The following DLGAP1 variants were observed in gnomAD, a reference collection of about 807,000 sequenced individuals.
DLGAP1 encodes the protein DLG associated protein 1, also known as disks large-associated protein 1.
A neutral mutation model predicts 90.8 loss-of-function variants in DLGAP1; 11 were observed. The observed-to-expected ratio is 0.12, with a 90% CI of 0.08 to 0.20. DLGAP1 has a LOEUF of 0.20. Ranked by LOEUF, DLGAP1 falls within the 10% of genes least tolerant of loss-of-function variation. The pLI is 1.00. For missense variants in DLGAP1, 1,050 were observed against 1,333.8 expected (o/e 0.79, Z 3.31); for synonymous variants, 558 against 540.7 (o/e 1.03, Z -0.44).
intron 1 of DLGAP1, among the ~76,000 whole-genome samples, chr18:4,391,329 C>T (rs1200618597): frequency 6.6e-6 from 1 of 152,172 alleles, no homozygotes; most frequent in African/African-American, 2.4e-5. Flanking sequence ...AGAAAGTTTG[C>T]TTTCTTCATC....
rs112616952 is a variant in DLGAP1, at chr18:3,821,155, T to C, written c.958-6882A>G. Among the ~76,000 whole-genome samples, 208 of 151,868 alleles carry C rather than the reference T, an allele frequency of 1.4e-3. 2 individuals are homozygous for C. The highest frequency in any genetic ancestry group is 4.9e-3 in the African/African-American group (203 of 41,444). On this transcript the variant is annotated intron_variant, in intron 4 of 12. Coordinates refer to ENST00000315677, the MANE Select transcript of DLGAP1 (RefSeq NM_004746.4). ...TTTTTAAATGTAGCTGGTGTGGTGG[T>C]GGTATGTGCCTATAGTCCTAGCTAT...
At chr18:4,127,252 C>G (rs746319082) in intron 2 of DLGAP1, among the ~76,000 whole-genome samples, 50 of 152,106 alleles carry the variant, frequency 3.3e-4, no homozygotes, top group Admixed American at 5.2e-4. Context: ...GTGGTACCGG[C>G]TGGCTGAGAA....
In DLGAP1 at chr18:4,292,957, A is replaced by G. The variant is rs73378929; in HGVS notation, c.-266-141670T>C. The stretch of plus-strand genomic sequence containing the variant: ...AAGATCCATTATAGTTCTCTTGAGG[A>G]TTTCTTTATAGGTGATAACTTTGAA... On this transcript the variant is annotated intron_variant, in intron 1 of 12. Coordinates refer to ENST00000315677, the MANE Select transcript of DLGAP1 (RefSeq NM_004746.4). 5.0e-3 allele frequency among the ~76,000 whole-genome samples: 754 copies of G among 152,272 alleles called. 6 individuals carry two copies. Among genetic ancestry groups the G allele is most frequent in the African/African-American group, 0.017 (726 of 41,558 alleles).
In DLGAP1 at chr18:3,534,248, C is replaced by G. The variant is rs1357866813; in HGVS notation, c.2425G>C (p.Gly809Arg). 1 of 1,614,232 alleles carries G rather than the reference C, an allele frequency of 6.2e-7. No individual in the cohort carries two copies. ...TCCCGCTCCATCTGTTGACACCACC[C>G]CTCCATGCGGTCTCGCTCTGCCTGG... Reference protein sequence around the residue: ...LLQAERDRMEGWCQQMEREER... With the variant: ...LLQAERDRMERWCQQMEREER... Residue 809 changes from glycine (G) to arginine (R), a missense_variant, in exon 10 of 13, where the codon GGG becomes CGG. By Grantham distance (125) the Gly-to-Arg change is moderately radical (BLOSUM62 -2). This residue lies in a region of DLGAP1 where 565 missense variants were observed against 879.7 expected (regional missense o/e 0.64). Coordinates refer to ENST00000315677, the MANE Select transcript of DLGAP1 (RefSeq NM_004746.4).
At chr18:4,166,695 T>C (rs999600053) in intron 1 of DLGAP1, among the ~76,000 whole-genome samples, 1 of 152,236 alleles carries the variant, frequency 6.6e-6, no homozygotes, top group African/African-American at 2.4e-5. Flanking sequence ...ATGTGGTATA[T>C]TCGTATGAAG....
At chr18:4,301,542 G>T (rs557655833) in intron 1 of DLGAP1, among the ~76,000 whole-genome samples, 4 of 152,020 alleles carry the variant, frequency 2.6e-5, no homozygotes, top group African/African-American at 9.7e-5. Flanking sequence ...TCCATTCATC[G>T]GTTGGTGGAC....
At position 3,729,125 on chromosome 18, in the gene DLGAP1, G is replaced by A. The variant is rs369298439; in HGVS notation, c.1591+10C>T. ...CAGGGGCCAGGCTGGCTGAGGGCCCGCGCACTCACCCGTGCTGCTCTGGAT... is the reference window on the plus strand; with the variant it reads ...CAGGGGCCAGGCTGGCTGAGGGCCCACGCACTCACCCGTGCTGCTCTGGAT... On this transcript the variant is annotated intron_variant, in intron 7 of 12. Coordinates refer to ENST00000315677, the MANE Select transcript of DLGAP1 (RefSeq NM_004746.4). This position sits in a 1 kb window ranked among gnomAD's most constrained non-coding sequence, Gnocchi z 6.2. 2.3e-5 allele frequency: 36 copies of A among 1,597,470 alleles called. No homozygotes were observed. Among genetic ancestry groups the A allele is most frequent in the Admixed American group, 3.4e-5 (2 of 59,594 alleles).
At chr18:4,344,373 A>T (rs117334434) in intron 1 of DLGAP1, among the ~76,000 whole-genome samples, 72 of 152,316 alleles carry the variant, frequency 4.7e-4, no homozygotes, top group Non-Finnish European at 9.4e-4. Flanking sequence ...GATAAAATTT[A>T]AAATATCAAC....
chr18:4,240,978 T>C (rs747396447), intron 1 of DLGAP1, among the ~76,000 whole-genome samples: 1 of 152,262 alleles, frequency 6.6e-6, no homozygotes, highest in Non-Finnish European at 1.5e-5. Flanking sequence ...TCATTCACTG[T>C]TACTTTACTC....
At chr18:3,972,281 G>T (rs1441276861) in intron 3 of DLGAP1, among the ~76,000 whole-genome samples, 2 of 152,128 alleles carry the variant, frequency 1.3e-5, no homozygotes, top group Non-Finnish European at 2.9e-5. Flanking sequence ...GGAGGCCAAG[G>T]TTGGAGGATC....
chr18:3,797,859 C>T (rs1257991850), intron 5 of DLGAP1, among the ~76,000 whole-genome samples: 4 of 152,158 alleles, frequency 2.6e-5, no homozygotes, highest in East Asian at 3.9e-4. Context: ...ATAATTTCCA[C>T]GTGTTGAGGG....
intron 5 of DLGAP1, among the ~76,000 whole-genome samples, chr18:3,747,820 A>G (rs187201798): frequency 1.3e-5 from 2 of 152,370 alleles, no homozygotes; most frequent in Admixed American, 1.3e-4. Flanking sequence ...GCATACATTA[A>G]TAACACACAA....
intron 1 of DLGAP1, among the ~76,000 whole-genome samples, chr18:4,159,711 C>T (rs1435349239): frequency 1.3e-5 from 2 of 152,100 alleles, no homozygotes; most frequent in Non-Finnish European, 2.9e-5. Context: ...CAGGTATTTT[C>T]CAGTTAATTG....
rs561189447 is a variant in DLGAP1, at chr18:3,831,336, C to CT, written c.958-17064dup. On this transcript the variant is annotated intron_variant, in intron 4 of 12. Coordinates refer to ENST00000315677, the MANE Select transcript of DLGAP1 (RefSeq NM_004746.4). The stretch of plus-strand genomic sequence containing the variant: ...AAGCACATTTTATGGATCACCAATC[C>CT]TTTTTTTTTTAATACTTTAAGTTCT... Among the ~76,000 whole-genome samples the CT allele has an allele frequency of 4.8e-4, 71 of 149,006 alleles. 2 individuals carry two copies. In the South Asian group the frequency reaches 6.0e-3, roughly 13 times the overall value.
intron 2 of DLGAP1, among the ~76,000 whole-genome samples, chr18:4,136,583 C>A (rs1193405878): frequency 6.6e-6 from 1 of 152,044 alleles, no homozygotes; most frequent in African/African-American, 2.4e-5. Flanking sequence ...TTTTAAATTG[C>A]ATTATTAGAT....
chr18:4,354,920 AAAAATC>A, intron 1 of DLGAP1, among the ~76,000 whole-genome samples: 1 of 109,344 alleles, frequency 9.1e-6, no homozygotes, highest in Non-Finnish European at 1.9e-5. Flanking sequence ...AAAAAAAAAA[AAAAATC>A]CTCTCTACAC....
At chr18:4,293,740 T>G (rs2079906003) in intron 1 of DLGAP1, 2 of 152,210 alleles carry the variant, frequency 1.3e-5, no homozygotes, top group Admixed American at 1.3e-4. Flanking sequence ...TAGTGCATAA[T>G]GTATAATTCA....
At chr18:4,149,837 C>T (rs570973294) in intron 2 of DLGAP1, among the ~76,000 whole-genome samples, 89 of 152,298 alleles carry the variant, frequency 5.8e-4, no homozygotes, top group African/African-American at 2.1e-3. Flanking sequence ...TCCACGAAAC[C>T]GGTCCCTGGA....
intron 3 of DLGAP1, among the ~76,000 whole-genome samples, chr18:3,892,187 G>A (rs1446073054): frequency 6.7e-6 from 1 of 148,602 alleles, no homozygotes; most frequent in African/African-American, 2.5e-5. Context: ...ACTGCTAAGA[G>A]TATTATTTGT....
Sources: allele counts gnomAD v4.1 joint callset (sites outside exome capture counted in the v4.1 genomes callset), GRCh38; gene constraint gnomAD v4.1.1; regional missense constraint gnomAD v4.1.1; non-coding constraint Gnocchi (gnomAD v3.1); transcripts MANE v1.5; gene names NCBI Gene and HGNC (gene_info 2026-07-23, HGNC 2026-07-21).